CEP85: variants seen among roughly 807,000 people sequenced by gnomAD.
The protein encoded by CEP85 is centrosomal protein 85, also known as centrosomal protein of 85 kDa.
Under a neutral mutation model 93.7 loss-of-function variants are expected in CEP85, and 58 were observed. The ratio of observed to expected loss-of-function variants is 0.62; its 90% CI spans 0.50 to 0.77. The LOEUF (loss-of-function observed/expected upper bound fraction) is 0.77. Among genes scored for constraint, CEP85 ranks in the 30% least tolerant of loss-of-function variants. The pLI is 0.00. For synonymous variants in CEP85, 314 were observed against 338.6 expected (o/e 0.93, Z 0.80); for missense variants, 868 against 922.0 (o/e 0.94, Z 0.76).
chr1:26,259,753 A>C lies in CEP85; in HGVS notation c.1292A>C (p.Lys431Thr). Residue 431 changes from lysine (K) to threonine (T), a missense_variant, in exon 7 of 14, where the codon AAA becomes ACA. Transcript: ENST00000451429. ...GTCCAGCTCATCAGAGAGTCGCTCA[A>C]AGTGGCGTTGCAGAAGCATTCTGAG... is the stretch of plus-strand genomic sequence containing the variant. ...VEVQLIRESLKVALQKHSEEV... is the reference protein window; with the variant it reads ...VEVQLIRESLTVALQKHSEEV... 6.2e-7 allele frequency: 1 copy of C among 1,613,678 alleles called. No individual in the cohort carries two copies. The highest frequency in any genetic ancestry group is 8.5e-7 in the Non-Finnish European group (1 of 1,179,838).
chr1:26,276,505 G>A, intron 12 of CEP85, 30 bp from the exon 13 acceptor site: 1 of 1,565,128 alleles, frequency 6.4e-7, no homozygotes, highest in Non-Finnish European at 8.8e-7. Context: ...CTGGGCCTGA[G>A]TTAATGTGCT....
chr1:26,277,564 C>T lies in CEP85; in HGVS notation c.*271C>T. On this transcript the variant is annotated 3_prime_UTR_variant, in exon 14 of 14. Transcript: ENST00000451429. Reference sequence around the variant, plus strand: ...CAGATAAGTCCTCACAAACTGTTCCCAGCCCTAGGCTGACATGAGAGACGA... The same window carrying T: ...CAGATAAGTCCTCACAAACTGTTCCTAGCCCTAGGCTGACATGAGAGACGA... 1 of 322,624 alleles carries T rather than the reference C, an allele frequency of 3.1e-6. No individual in the cohort carries two copies. 20.0% of individuals were successfully genotyped at this position (322,624 alleles called of 1,614,324 possible).
At chr1:26,249,301 C>T (rs2089566388) in intron 3 of CEP85, among the ~76,000 whole-genome samples, 1 of 152,208 alleles carries the variant, frequency 6.6e-6, no homozygotes, top group Non-Finnish European at 1.5e-5. Flanking sequence ...AGACTGGTCT[C>T]GAAGTCCTGA....
rs61777787 is a variant in CEP85, at chr1:26,241,243, A to G, written c.55+1405A>G. Among the ~76,000 whole-genome samples, 108 of 61,834 alleles carry G rather than the reference A, an allele frequency of 1.7e-3. 1 individual carries two copies. Among genetic ancestry groups the G allele is most frequent in the African/African-American group, 6.3e-3 (104 of 16,444 alleles). The allele number at this position is 61,834 out of a possible 152,430, so 40.6% of individuals were successfully genotyped here. Reference sequence around the variant, plus strand: ...AATCAATTCAAGATTCATTCAGCAGAATTTTTTTTTTTTTTTTGAAATGGA... The same window carrying G: ...AATCAATTCAAGATTCATTCAGCAGGATTTTTTTTTTTTTTTTGAAATGGA... On this transcript the variant is annotated intron_variant, in intron 2 of 13. Coordinates refer to ENST00000451429, the MANE Select transcript of CEP85 (RefSeq NM_001319944.2).
Position 26,276,734 on chromosome 1 carries a change from ATC to A in CEP85, c.2107_2108del (p.Ser703ProfsTer35), listed in dbSNP as rs1335912994. 7.7e-5 allele frequency: 125 copies of A among 1,613,762 alleles called. No homozygotes were observed. The highest frequency in any genetic ancestry group is 1.0e-4 in the Non-Finnish European group (121 of 1,179,918). On this transcript the variant is annotated frameshift_variant, in exon 13 of 14. Coordinates refer to ENST00000451429, the MANE Select transcript of CEP85 (RefSeq NM_001319944.2). LOFTEE classifies it high-confidence loss of function. ...CAGAGGGCCCAGGGCCATGACCCCAATCTCTCCCTGCTCCTGGGCATTCACTG... is the reference window on the plus strand; with the variant it reads ...CAGAGGGCCCAGGGCCATGACCCCAATCTCCCTGCTCCTGGGCATTCACTG...
intron 4 of CEP85, among the ~76,000 whole-genome samples, chr1:26,256,928 G>GTTGTGTGTGTGTGTGTGTGT (rs199539021): frequency 1.8e-5 from 2 of 111,404 alleles, no homozygotes; most frequent in Non-Finnish European, 3.7e-5. Flanking sequence ...GTTTTGTTTT[G>GTTGTGTGTGTGTGTGTGTGT]GTGTGTGTGT....
chr1:26,265,415 G>A (rs910210534), intron 7 of CEP85, among the ~76,000 whole-genome samples: 2 of 151,976 alleles, frequency 1.3e-5, no homozygotes, highest in African/African-American at 4.8e-5. Flanking sequence ...CACCACACCC[G>A]GCCATATACA....
intron 2 of CEP85, among the ~76,000 whole-genome samples, chr1:26,242,472 G>A (rs976665864): frequency 6.6e-5 from 10 of 152,308 alleles, no homozygotes; most frequent in East Asian, 1.9e-4. Context: ...AGTGTATAAA[G>A]ATTCTTTCAA....
intron 7 of CEP85, among the ~76,000 whole-genome samples, chr1:26,260,631 A>G (rs186340586): frequency 1.3e-5 from 2 of 152,276 alleles, no homozygotes; most frequent in South Asian, 2.1e-4. Context: ...GCTCTAAAGC[A>G]TGTGTTTTTG....
intron 12 of CEP85, among the ~76,000 whole-genome samples, chr1:26,275,691 A>T (rs2090043828): frequency 6.6e-6 from 1 of 152,186 alleles, no homozygotes; most frequent in Non-Finnish European, 1.5e-5. Context: ...GGTGGCCTTC[A>T]TGCACTAAAC....
At chr1:26,239,501 G>A (rs557859529) in intron 1 of CEP85, among the ~76,000 whole-genome samples, 35 of 152,212 alleles carry the variant, frequency 2.3e-4, no homozygotes, top group African/African-American at 8.2e-4. Context: ...ACAGATGTGT[G>A]CCACCATGCC....
chr1:26,250,932 CTTTT>C (rs869156420), intron 3 of CEP85, among the ~76,000 whole-genome samples: 2 of 17,504 alleles, frequency 1.1e-4, no homozygotes, highest in South Asian at 1.2e-3. Context: ...TTTCTTTTTT[CTTTT>C]TTTTTTTTTT....
rs759524880 is a variant in CEP85, at chr1:26,234,207, G to T, written c.-126G>T. 1 of 152,430 alleles carries T rather than the reference G, an allele frequency of 6.6e-6. No individual in the cohort carries two copies. The highest frequency in any genetic ancestry group is 2.1e-4 in the South Asian group (1 of 4,842). The allele number at this position is 152,430 out of a possible 1,614,324, so 9.4% of individuals were successfully genotyped here. A position where few individuals can be genotyped will look rare whatever the true frequency, so the allele number is the denominator to read the frequency against. ...GCGCGCGGCCTGGCGGGCGTGCAAC[G>T]GCCGTTAGAGGAGCTGAGGGAGGGA... On this transcript the variant is annotated 5_prime_UTR_variant, in exon 1 of 14. Transcript: ENST00000451429.
chr1:26,240,847 G>A (rs961116621), intron 2 of CEP85, among the ~76,000 whole-genome samples: 3 of 151,596 alleles, frequency 2.0e-5, no homozygotes, highest in African/African-American at 7.3e-5. Flanking sequence ...GAGGTGAGCT[G>A]AGATGACGCC....
At chr1:26,259,919 C>A in intron 7 of CEP85, 117 bp downstream of exon 7, 1 of 746,058 alleles carries the variant, frequency 1.3e-6, no homozygotes, top group Non-Finnish European at 2.1e-6. Context: ...TGAGATCCTC[C>A]ACTGGCTTCT....
chr1:26,259,781 A>C lies in CEP85; in HGVS notation c.1320A>C (p.Glu440Asp), dbSNP rs753261582. The C allele has an allele frequency of 2.0e-5, 33 of 1,611,904 alleles. No individual in the cohort carries two copies. The highest frequency in any genetic ancestry group is 2.6e-5 in the Non-Finnish European group (31 of 1,179,292). Residue 440 changes from glutamate (E) to aspartate (D), a missense_variant, in exon 7 of 14, where the codon GAA (glutamate) becomes GAC (aspartate). By Grantham distance (45) the Glu-to-Asp change is conservative. Transcript: ENST00000451429. ...LKVALQKHSE[E>D]VKKQEERVKG... ...TGGCGTTGCAGAAGCATTCTGAGGAAGTGAAGAAACAGGAAGAAAGGGTGA... is the reference window on the plus strand; with the variant it reads ...TGGCGTTGCAGAAGCATTCTGAGGACGTGAAGAAACAGGAAGAAAGGGTGA...
intron 7 of CEP85, among the ~76,000 whole-genome samples, chr1:26,267,194 C>CA (rs987850811): frequency 4.6e-5 from 7 of 152,202 alleles, no homozygotes; most frequent in Non-Finnish European, 1.0e-4. Flanking sequence ...ATGACCCCTT[C>CA]AGGTTTAATA....
At chr1:26,235,567 CTT>C (rs1192252673) in intron 1 of CEP85, among the ~76,000 whole-genome samples, 3 of 95,584 alleles carry the variant, frequency 3.1e-5, no homozygotes, top group Admixed American at 1.3e-4. Context: ...GATTGTAATT[CTT>C]TTTTTTTTTT....
At chr1:26,272,167 C>A (rs2089984961) in intron 11 of CEP85, 96 bp downstream of exon 11, 1 of 1,267,782 alleles carries the variant, frequency 7.9e-7, no homozygotes. Context: ...ATGCAGGTTG[C>A]TCAGTGTTAG....
Sources: gnomAD v4.1 joint callset for allele counts (sites outside exome capture counted in the v4.1 genomes callset) on GRCh38, gnomAD v4.1.1 for gene constraint, MANE v1.5 for transcripts, NCBI Gene and HGNC (gene_info 2026-07-23, HGNC 2026-07-21) for gene names.